ZNF831: variants seen among roughly 807,000 people sequenced by gnomAD.
ZNF831 encodes chromosome 20 open reading frame 174.
Under a neutral mutation model 95.8 loss-of-function variants are expected in ZNF831, and 59 were observed. That is an observed-to-expected ratio of 0.62 (90% CI 0.50 to 0.77). The LOEUF is 0.77. ZNF831 is among the 30% of genes least tolerant of loss of function. The pLI, the probability that ZNF831 is intolerant of heterozygous loss-of-function variation, is 0.00. For synonymous variants in ZNF831, 961 were observed against 925.5 expected (o/e 1.04, Z -0.70); for missense variants, 2,205 against 2,164.0 (o/e 1.02, Z -0.38).
intron 1 of ZNF831, among the ~76,000 whole-genome samples, chr20:59,129,324 C>T (rs171042): frequency 0.19 from 28,845 of 151,652 alleles, 3,589 homozygotes; most frequent in Non-Finnish European, 0.27. Flanking sequence ...GAACCCCCAA[C>T]GCTAACAAGA....
intron 4 of ZNF831, among the ~76,000 whole-genome samples, chr20:59,239,711 GT>G (rs892550239): frequency 2.0e-5 from 3 of 151,924 alleles, no homozygotes; most frequent in Non-Finnish European, 4.4e-5. Context: ...CGCCTGGCTA[GT>G]TTTTGTATTT....
chr20:59,177,002 A>G (rs1288230575), intron 1 of ZNF831, among the ~76,000 whole-genome samples: 2 of 102,266 alleles, frequency 2.0e-5, no homozygotes, highest in African/African-American at 9.8e-5. Context: ...CATACTGGAA[A>G]GATCTGCCCT....
chr20:59,249,354 T>C (rs930746677), intron 4 of ZNF831, among the ~76,000 whole-genome samples: 1 of 152,182 alleles, frequency 6.6e-6, no homozygotes, highest in African/African-American at 2.4e-5. Flanking sequence ...TGTTACTGCC[T>C]GTAATACTCT....
In ZNF831 at chr20:59,203,463, T is replaced by C. The variant is rs568665699; in HGVS notation, c.3876-3442T>C. ...TCTGGAGTAGCTGGGAGTACAGGCA[T>C]GCACCACCATGCCTGGCTTGGTTTT... On this transcript the variant is annotated intron_variant, in intron 3 of 5. Transcript: ENST00000371030. 2.0e-5 allele frequency among the ~76,000 whole-genome samples: 3 copies of C among 152,328 alleles called. No homozygotes were observed. The East Asian group carries it at 5.8e-4, about 29-fold the overall frequency.
At chr20:59,135,442 A>G (rs555778355) in intron 1 of ZNF831, among the ~76,000 whole-genome samples, 2 of 152,208 alleles carry the variant, frequency 1.3e-5, no homozygotes, top group East Asian at 1.9e-4. Flanking sequence ...TAAAAAAAAA[A>G]TCCAGGCAGC....
intron 1 of ZNF831, among the ~76,000 whole-genome samples, chr20:59,173,471 C>T (rs1032346545): frequency 1.3e-5 from 2 of 152,228 alleles, no homozygotes; most frequent in African/African-American, 2.4e-5. Flanking sequence ...TGCTCAAGGA[C>T]GCGAAAAGAA....
intron 4 of ZNF831, among the ~76,000 whole-genome samples, chr20:59,233,720 C>G (rs1986857903): frequency 6.6e-6 from 1 of 152,166 alleles, no homozygotes; most frequent in Non-Finnish European, 1.5e-5. Flanking sequence ...ATTTTTCAGA[C>G]CTACATCACT....
At chr20:59,137,619 C>T (rs1979550650) in intron 1 of ZNF831, among the ~76,000 whole-genome samples, 1 of 152,190 alleles carries the variant, frequency 6.6e-6, no homozygotes, top group South Asian at 2.1e-4. Context: ...AGTTGCAAAG[C>T]CAGAGTCAAC....
intron 2 of ZNF831, among the ~76,000 whole-genome samples, chr20:59,155,338 A>G (rs1044525133): frequency 6.6e-5 from 10 of 152,222 alleles, no homozygotes; most frequent in Non-Finnish European, 1.3e-4. Flanking sequence ...GGCTGGGCAC[A>G]TGAATGCACT....
intron 2 of ZNF831, among the ~76,000 whole-genome samples, chr20:59,154,181 TG>T (rs1980404044): frequency 6.6e-6 from 1 of 152,196 alleles, no homozygotes; most frequent in African/African-American, 2.4e-5. Context: ...GGTTTGGCAG[TG>T]GGGAGATCAC....
At chr20:59,202,365 T>C (rs1984599132) in intron 3 of ZNF831, among the ~76,000 whole-genome samples, 1 of 151,232 alleles carries the variant, frequency 6.6e-6, no homozygotes, top group South Asian at 2.1e-4. Flanking sequence ...TCTAATGTTT[T>C]GCATCTGACA....
In ZNF831 at chr20:59,213,347, T is replaced by C. The variant is rs1985469472; in HGVS notation, c.4027+6291T>C. On this transcript the variant is annotated intron_variant, in intron 4 of 5. Transcript: ENST00000371030. ...AGCTTATTTTCACAACTTTTGGTTT[T>C]GTCGTTTTTCCAGATAAATTCTCAA... Among the ~76,000 whole-genome samples, 6 of 152,224 alleles carry C rather than the reference T, an allele frequency of 3.9e-5. 1 individual carries two copies. The South Asian group carries it at 1.2e-3, about 32-fold the overall frequency.
rs770977591 is a variant in ZNF831, at chr20:59,194,067, G to A, written c.3048G>A (p.Gly1016=). Reference sequence around the variant, plus strand: ...CCAGCTGTTCCAGGCCACAGGATGGGAGAAAAGGGGCACAGTTGGGGGGGG... The same window carrying A: ...CCAGCTGTTCCAGGCCACAGGATGGAAGAAAAGGGGCACAGTTGGGGGGGG... ...EDPSCSRPQD[G]RKGAQLGGDK... is the part of the protein sequence containing the mutation. Residue 1016 remains glycine, a synonymous_variant, in exon 2 of 6, where the codon GGG becomes GGA. Coordinates refer to ENST00000371030, the MANE Select transcript of ZNF831 (RefSeq NM_178457.3). 1 of 1,531,962 alleles carries A rather than the reference G, an allele frequency of 6.5e-7. No individual in the cohort carries two copies. The highest frequency in any genetic ancestry group is 8.8e-7 in the Non-Finnish European group (1 of 1,140,782). The allele number at this position is 1,531,962 out of a possible 1,614,324, so 94.9% of individuals were successfully genotyped here.
chr20:59,129,796 A>G (rs1419236722), intron 1 of ZNF831, among the ~76,000 whole-genome samples: 1 of 152,204 alleles, frequency 6.6e-6, no homozygotes, highest in East Asian at 1.9e-4. Flanking sequence ...CACGGTGTGC[A>G]GGATTGGCCT....
rs1231825732 is a variant in ZNF831 at position 59,258,798 on chromosome 20, C to T, written c.*4055C>T. ...AAATCTTATGTGCTGGATTTCTACC[C>T]TGTATGATTCTTTTCATCCATGCTT... On this transcript the variant is annotated 3_prime_UTR_variant, in exon 6 of 6. Transcript: ENST00000371030. The T allele has an allele frequency of 1.3e-5, 2 of 152,188 alleles. No homozygotes were observed. The highest frequency in any genetic ancestry group is 6.5e-5 in the Admixed American group (1 of 15,286). 9.4% of individuals were successfully genotyped at this position (152,188 alleles called of 1,614,324 possible).
intron 2 of ZNF831, among the ~76,000 whole-genome samples, chr20:59,149,888 TCCCACACAGGGCTAAGGCTCTCCA>T (rs910149253): frequency 2.6e-5 from 4 of 152,202 alleles, no homozygotes; most frequent in Non-Finnish European, 5.9e-5. Context: ...GGGGCTGTCG[TCCCACACAGGGCTAAGGCTCTCCA>T]GGGAGCCTCA....
chr20:59,136,068 T>C (rs1479774072), intron 1 of ZNF831, among the ~76,000 whole-genome samples: 1 of 152,146 alleles, frequency 6.6e-6, no homozygotes, highest in East Asian at 1.9e-4. Flanking sequence ...GAATTCCACG[T>C]GGTTGGGGGA....
In ZNF831 at chr20:59,255,208, C is replaced by T. The variant is rs571018659; in HGVS notation, c.*465C>T. The T allele has an allele frequency of 1.9e-5, 3 of 159,584 alleles. No homozygotes were observed. Among genetic ancestry groups the T allele is most frequent in the African/African-American group, 4.8e-5 (2 of 41,518 alleles). 9.9% of individuals were successfully genotyped at this position (159,584 alleles called of 1,614,324 possible). On this transcript the variant is annotated 3_prime_UTR_variant, in exon 6 of 6. Transcript: ENST00000371030. ...ATTTGCTTCCAAGGTGGAGAGCACACTTGGGATAATTGGAGTAGCTTGACA... is the reference window on the plus strand; with the variant it reads ...ATTTGCTTCCAAGGTGGAGAGCACATTTGGGATAATTGGAGTAGCTTGACA...
chr20:59,140,528 C>T (rs942772605), intron 1 of ZNF831, among the ~76,000 whole-genome samples: 7 of 152,064 alleles, frequency 4.6e-5, no homozygotes, highest in African/African-American at 1.4e-4. Flanking sequence ...TTTTATTTTT[C>T]GATAATTATA....
Sources: gnomAD v4.1 joint callset for allele counts (sites outside exome capture counted in the v4.1 genomes callset) on GRCh38, gnomAD v4.1.1 for gene constraint, MANE v1.5 for transcripts, NCBI Gene and HGNC (gene_info 2026-07-23, HGNC 2026-07-21) for gene names.